The following DPY30 variants were observed in gnomAD, a reference collection of about 807,000 sequenced individuals.
DPY30 encodes the protein dpy-30 histone methyltransferase complex regulatory subunit.
DPY30 carries 6 observed loss-of-function variants against 16.2 expected under a neutral mutation model. That is an observed-to-expected ratio of 0.37 (90% CI 0.20 to 0.73). The LOEUF (loss-of-function observed/expected upper bound fraction) is 0.73. Among genes scored for constraint, DPY30 ranks in the 30% least tolerant of loss-of-function variants. The probability of loss-of-function intolerance (pLI) is 0.51; values close to 1 mark genes in which losing one functional copy is unlikely to be tolerated. For synonymous variants in DPY30, 39 were observed against 38.8 expected (o/e 1.00, Z -0.02); for missense variants, 73 against 113.1 (o/e 0.65, Z 1.61).
Position 32,027,390 on chromosome 2 carries a change from T to C in DPY30, c.227+2204A>G, listed in dbSNP as rs1030526650. On this transcript the variant is annotated intron_variant, in intron 4 of 4. Transcript: ENST00000342166. ...ACTAAAAATACAAAAATTAGCTTTG[T>C]GTGCTGACAGGCACCTGTAATCCCA... Among the ~76,000 whole-genome samples the C allele has an allele frequency of 6.6e-5, 10 of 151,828 alleles. No homozygotes were observed. In the East Asian group the frequency reaches 1.6e-3, roughly 24 times the overall value.
chr2:32,018,120 G>A (rs988381349), intron 5 of DPY30, among the ~76,000 whole-genome samples: 1 of 151,966 alleles, frequency 6.6e-6, no homozygotes, highest in African/African-American at 2.4e-5. Context: ...GTTATAGCAG[G>A]CCAGAAGGAC....
At chr2:32,020,519 A>G (rs868468935), downstream of DPY30, among the ~76,000 whole-genome samples, 2 of 152,118 alleles carry the variant, frequency 1.3e-5, no homozygotes, top group African/African-American at 2.4e-5. Flanking sequence ...CTCTAAATAA[A>G]TAAAGTATTA....
intron 4 of DPY30, among the ~76,000 whole-genome samples, chr2:32,028,530 C>A (rs970075014): frequency 6.6e-6 from 1 of 152,126 alleles, no homozygotes; most frequent in Non-Finnish European, 1.5e-5. Context: ...AGGCCAGGCT[C>A]AGTGGCTCAC....
chr2:32,036,445 G>C (rs1242654785), intron 3 of DPY30, among the ~76,000 whole-genome samples: 1 of 152,046 alleles, frequency 6.6e-6, no homozygotes, highest in Non-Finnish European at 1.5e-5. Context: ...GCCAAGGTTG[G>C]CGGATCACGA....
intron 1 of DPY30, 74 bp from the exon 2 acceptor site, chr2:32,039,566 G>A (rs1016480840): frequency 6.8e-7 from 1 of 1,466,874 alleles, no homozygotes; most frequent in African/African-American, 1.4e-5. Context: ...GTGCAGCCCA[G>A]CCCCCGACCC....
At chr2:32,027,847 C>T (rs1675390695) in intron 4 of DPY30, among the ~76,000 whole-genome samples, 1 of 151,864 alleles carries the variant, frequency 6.6e-6, no homozygotes, top group Admixed American at 6.6e-5. Context: ...CCAGGATGGT[C>T]TCGAACTCCT....
At chr2:32,032,398 G>C (rs939989433) in intron 3 of DPY30, among the ~76,000 whole-genome samples, 4 of 152,114 alleles carry the variant, frequency 2.6e-5, no homozygotes, top group African/African-American at 9.7e-5. Context: ...CATTATTTCT[G>C]AAAACTGACA....
Position 32,024,262 on chromosome 2 carries a change from AG to A in DPY30, c.228-7del. 8 of 1,591,018 alleles carry A rather than the reference AG, an allele frequency of 5.0e-6. No individual in the cohort carries two copies. Among genetic ancestry groups the A allele is most frequent in the Non-Finnish European group, 6.9e-6 (8 of 1,161,024 alleles). On this transcript the variant is annotated splice_region_variant and splice_polypyrimidine_tract_variant and intron_variant, in intron 4 of 4. Transcript: ENST00000342166. ...ATTCAATGGGATTTGGTGGTCTGTAAGGGAAAAGAAATCCAAAGTTTAGAAA... is the reference window on the plus strand; with the variant it reads ...ATTCAATGGGATTTGGTGGTCTGTAAGGAAAAGAAATCCAAAGTTTAGAAA...
chr2:32,017,206 G>A (rs1675082722), intron 5 of DPY30, among the ~76,000 whole-genome samples: 1 of 152,114 alleles, frequency 6.6e-6, no homozygotes, highest in Middle Eastern at 3.2e-3. Context: ...TTTCTAAACT[G>A]ACTTCCATTT....
intron 5 of DPY30, among the ~76,000 whole-genome samples, chr2:32,017,917 T>C (rs774719484): frequency 3.3e-5 from 5 of 152,204 alleles, no homozygotes; most frequent in African/African-American, 2.4e-5. Context: ...ATTTTATGAA[T>C]GGATTAGTGG....
chr2:32,027,939 T>C (rs1675394957), intron 4 of DPY30, among the ~76,000 whole-genome samples: 1 of 152,150 alleles, frequency 6.6e-6, no homozygotes, highest in Admixed American at 6.6e-5. Flanking sequence ...AAGATACCCA[T>C]ATTTTAATTG....
chr2:32,030,725 G>T (rs1451851452), intron 3 of DPY30, among the ~76,000 whole-genome samples: 1 of 151,950 alleles, frequency 6.6e-6, no homozygotes, highest in African/African-American at 2.4e-5. Flanking sequence ...CTTGAGCCCA[G>T]GAGACGGAGG....
At chr2:32,033,977 A>G (rs1043150164) in intron 3 of DPY30, among the ~76,000 whole-genome samples, 2 of 152,150 alleles carry the variant, frequency 1.3e-5, no homozygotes, top group Admixed American at 6.6e-5. Flanking sequence ...CTTACAGGAT[A>G]AAGTGTAGGG....
At chr2:32,025,938 C>G (rs1204906004) in intron 4 of DPY30, among the ~76,000 whole-genome samples, 2 of 151,830 alleles carry the variant, frequency 1.3e-5, no homozygotes, top group African/African-American at 4.8e-5. Flanking sequence ...AAAACCCTGT[C>G]TCTACAGAAA....
chr2:32,037,162 CT>C (rs1675775000), intron 3 of DPY30, among the ~76,000 whole-genome samples: 1 of 152,164 alleles, frequency 6.6e-6, no homozygotes, highest in Non-Finnish European at 1.5e-5. Flanking sequence ...CAAGGAAGCC[CT>C]TTGGGCAGGA....
downstream of DPY30, chr2:32,023,661 T>C: frequency 1.7e-6 from 2 of 1,163,488 alleles, no homozygotes; most frequent in Non-Finnish European, 2.3e-6. Context: ...CCAACTTTAA[T>C]GTACATTAGA....
At chr2:32,027,721 C>A (rs974668028) in intron 4 of DPY30, among the ~76,000 whole-genome samples, 1 of 150,040 alleles carries the variant, frequency 6.7e-6, no homozygotes, top group East Asian at 2.0e-4. Flanking sequence ...CTCCGCCTCC[C>A]GGGTTCACGC....
At chr2:32,019,174 A>T (rs1572987729), downstream of DPY30, among the ~76,000 whole-genome samples, 1 of 151,908 alleles carries the variant, frequency 6.6e-6, no homozygotes, top group South Asian at 2.1e-4. Context: ...GCTCATTACA[A>T]CCTCTGCTTC....
At chr2:32,019,348 G>T (rs1675126514), downstream of DPY30, among the ~76,000 whole-genome samples, 1 of 152,086 alleles carries the variant, frequency 6.6e-6, no homozygotes, top group Admixed American at 6.6e-5. Context: ...AGAGGTAATA[G>T]GGTATTAAGC....
Sources: gnomAD v4.1 joint callset for allele counts (sites outside exome capture counted in the v4.1 genomes callset) on GRCh38, gnomAD v4.1.1 for gene constraint, MANE v1.5 for transcripts, NCBI Gene and HGNC (gene_info 2026-07-23, HGNC 2026-07-21) for gene names.